CRYBG3: variants seen among roughly 807,000 people sequenced by gnomAD.
CRYBG3 encodes the protein very large A-kinase anchor protein.
A neutral mutation model predicts 244.2 loss-of-function variants in CRYBG3; 127 were observed. That is an observed-to-expected ratio of 0.52 (90% CI 0.45 to 0.60). The LOEUF is 0.60. Ranked by LOEUF, CRYBG3 falls within the 20% of genes least tolerant of loss-of-function variation. The pLI is 0.00. For synonymous variants in CRYBG3, 1,132 were observed against 1,195.8 expected, an observed-to-expected ratio of 0.95 and a Z score of 1.10; for missense variants, 3,325 against 3,442.5, an observed-to-expected ratio of 0.97 and a Z score of 0.85.
chr3:97,912,374 A>G (rs2039882350), intron 16 of CRYBG3, 98 bp downstream of exon 16: 3 of 533,332 alleles, frequency 5.6e-6, no homozygotes, highest in Non-Finnish European at 9.6e-6. Context: ...AATCCTTAAA[A>G]TTTATCTTCA....
rs763388038 is a variant in CRYBG3, at chr3:97,877,911, G to C, written c.6717G>C (p.Gln2239His). 5.0e-6 allele frequency: 8 copies of C among 1,614,048 alleles called. No homozygotes were observed. The highest frequency in any genetic ancestry group is 1.1e-5 in the South Asian group (1 of 91,080). Residue 2239 changes from glutamine (Q) to histidine (H), a missense_variant, in exon 4 of 22, where the codon CAG (glutamine) becomes CAC (histidine). Gln to His is a conservative substitution (Grantham distance 24). Transcript: ENST00000389622. Reference protein sequence around the residue: ...LHSSLKSAYHQYLQTSQSHSS... With the variant: ...LHSSLKSAYHHYLQTSQSHSS... ...CTTCTTTAAAGAGTGCTTATCATCA[G>C]TATCTGCAGACTTCCCAAAGTCATT...
chr3:97,872,401 A>G lies in CRYBG3; in HGVS notation c.1207A>G (p.Thr403Ala), dbSNP rs1310707293. 3 of 1,535,880 alleles carry G rather than the reference A, an allele frequency of 2.0e-6. No individual in the cohort carries two copies. Among genetic ancestry groups the G allele is most frequent in the Non-Finnish European group, 2.6e-6 (3 of 1,146,756 alleles). The change falls in exon 4 of 22, where the codon ACA becomes GCA. Residue 403 changes from threonine to alanine, a missense_variant. Coordinates refer to ENST00000389622, the MANE Select transcript of CRYBG3 (RefSeq NM_153605.4). ...CAGCCCAGATTTTCAGAGAGTAACTACAACAGAAAATACGATAAAAGAAAA... is the reference window on the plus strand; with the variant it reads ...CAGCCCAGATTTTCAGAGAGTAACTGCAACAGAAAATACGATAAAAGAAAA... ...PCSPDFQRVTTTENTIKENST... is the reference protein window; with the variant it reads ...PCSPDFQRVTATENTIKENST...
rs77447223 is a variant in CRYBG3 at position 97,843,639 on chromosome 3, A to G, written c.216+378A>G. 3.7e-3 allele frequency among the ~76,000 whole-genome samples: 565 copies of G among 152,318 alleles called. 3 individuals carry two copies. The highest frequency in any genetic ancestry group is 0.013 in the African/African-American group (542 of 41,578). Reference sequence around the variant, plus strand: ...GAGTTTTCTGAAATGTTGCAAAGCAATAGTGCTTTTGGAGGGCTGAAGTTA... The same window carrying G: ...GAGTTTTCTGAAATGTTGCAAAGCAGTAGTGCTTTTGGAGGGCTGAAGTTA... On this transcript the variant is annotated intron_variant, in intron 2 of 21. Coordinates refer to ENST00000389622, the MANE Select transcript of CRYBG3 (RefSeq NM_153605.4).
At chr3:97,870,728 ATTCCT>A (rs2039292582) in intron 3 of CRYBG3, among the ~76,000 whole-genome samples, 1 of 152,210 alleles carries the variant, frequency 6.6e-6, no homozygotes, top group Admixed American at 6.5e-5. Context: ...AGTAAGTATC[ATTCCT>A]TTACTTATTC....
At chr3:97,912,643 C>T (rs147905454) in intron 16 of CRYBG3, among the ~76,000 whole-genome samples, 261 of 152,106 alleles carry the variant, frequency 1.7e-3, no homozygotes, top group Non-Finnish European at 2.9e-3. Flanking sequence ...ATTTTTTTAA[C>T]CTTTTAACAA....
Position 97,898,901 on chromosome 3 carries a change from G to C in CRYBG3, c.7720G>C (p.Val2574Leu). ...CTTTTAGAATTTTATAGAATCTTCT[G>C]TCACACTATTTGAATCTGACCTAGA... ...YLQANFIESS[V>L]TLFESDLESG... Residue 2574 changes from valine to leucine, a missense_variant, in exon 13 of 22, where the codon GTC becomes CTC. This residue lies in a region of CRYBG3 where 714 missense variants were observed against 803.6 expected (regional missense o/e 0.89). Transcript: ENST00000389622. The C allele has an allele frequency of 6.3e-7, 1 of 1,594,206 alleles. No individual in the cohort carries two copies. The highest frequency in any genetic ancestry group is 8.5e-7 in the Non-Finnish European group (1 of 1,170,624).
intron 17 of CRYBG3, chr3:97,933,382 A>G: frequency 5.1e-6 from 2 of 389,870 alleles, no homozygotes; most frequent in South Asian, 2.1e-5. Flanking sequence ...AGGACTAATT[A>G]TGGTCCATAT....
intron 2 of CRYBG3, among the ~76,000 whole-genome samples, chr3:97,863,754 C>T (rs1352403292): frequency 6.6e-6 from 1 of 152,028 alleles, no homozygotes; most frequent in Non-Finnish European, 1.5e-5. Context: ...GGTCTCTTTA[C>T]GTCTCTCTCC....
At chr3:97,914,606 T>G in intron 16 of CRYBG3, among the ~76,000 whole-genome samples, 1 of 152,148 alleles carries the variant, frequency 6.6e-6, no homozygotes, top group East Asian at 1.9e-4. Flanking sequence ...GTCATCGCTC[T>G]GAACCTCAGC....
chr3:97,932,624 A>G (rs987236206), intron 17 of CRYBG3, among the ~76,000 whole-genome samples: 2 of 152,046 alleles, frequency 1.3e-5, no homozygotes, highest in African/African-American at 4.8e-5. Context: ...CAGCCCACTC[A>G]TAGTCCTTAG....
intron 2 of CRYBG3, among the ~76,000 whole-genome samples, chr3:97,859,363 G>C (rs2039113079): frequency 6.6e-6 from 1 of 152,154 alleles, no homozygotes; most frequent in Non-Finnish European, 1.5e-5. Flanking sequence ...TGTTGATCTT[G>C]TTTACTATAC....
rs2039381524 is a variant in CRYBG3, at chr3:97,876,906, T to G, written c.5712T>G (p.Val1904=). The part of the protein sequence containing the change: ...KTPQEYAEGS[V]EETKEEPTEI... Reference sequence around the variant, plus strand: ...CACAAGAGTATGCTGAAGGGAGTGTTGAAGAAACAAAGGAAGAGCCTACAG... The same window carrying G: ...CACAAGAGTATGCTGAAGGGAGTGTGGAAGAAACAAAGGAAGAGCCTACAG... The change falls in exon 4 of 22, where the codon GTT becomes GTG. Residue 1904 remains valine, a synonymous_variant. Transcript: ENST00000389622. 6.9e-7 allele frequency: 1 copy of G among 1,445,636 alleles called. No individual in the cohort carries two copies. Among genetic ancestry groups the G allele is most frequent in the East Asian group, 2.5e-5 (1 of 40,696 alleles). The allele number at this position is 1,445,636 out of a possible 1,614,324, so 89.6% of individuals were successfully genotyped here.
In CRYBG3 at chr3:97,915,619, C is replaced by G; in HGVS notation, c.8124C>G (p.Leu2708=). The G allele has an allele frequency of 1.2e-6, 2 of 1,610,280 alleles. No individual in the cohort carries two copies. Among genetic ancestry groups the G allele is most frequent in the African/African-American group, 2.7e-5 (2 of 74,906 alleles). ...SFKVLRGCWL[L]YYQEDMFVNH... is the part of the protein sequence containing the mutation. The stretch of plus-strand genomic sequence containing the variant: ...ACTGCTTGGCTTTTAGCTGGCTCCT[C>G]TATTACCAAGAAGACATGTTTGTTA... Residue 2708 remains leucine, a synonymous_variant, in exon 17 of 22, where the codon CTC becomes CTG. Coordinates refer to ENST00000389622, the MANE Select transcript of CRYBG3 (RefSeq NM_153605.4).
At chr3:97,840,998 G>A (rs1191922115) in intron 1 of CRYBG3, among the ~76,000 whole-genome samples, 1 of 151,738 alleles carries the variant, frequency 6.6e-6, no homozygotes, top group East Asian at 1.9e-4. Context: ...AAAAGATAAA[G>A]ACTAGTAAAA....
chr3:97,860,931 T>C (rs1243664656), intron 2 of CRYBG3, among the ~76,000 whole-genome samples: 1 of 152,126 alleles, frequency 6.6e-6, no homozygotes, highest in Non-Finnish European at 1.5e-5. Flanking sequence ...AACTTTTGTA[T>C]CACAAGGGAC....
chr3:97,874,037 A>G lies in CRYBG3; in HGVS notation c.2843A>G (p.His948Arg), dbSNP rs2039339060. ...SNISWILPPIHDEKISRQMAQ... is the reference protein window; with the variant it reads ...SNISWILPPIRDEKISRQMAQ... ...ATATCTTGGATTTTACCACCTATTC[A>G]TGATGAAAAAATCAGTAGGCAAATG... Residue 948 changes from histidine (H) to arginine (R), a missense_variant, in exon 4 of 22, where the codon CAT (histidine) becomes CGT (arginine). By Grantham distance (29) the His-to-Arg change is conservative (BLOSUM62 0). This residue lies in a region of CRYBG3 where 1,526 missense variants were observed against 1,443.2 expected (regional missense o/e 1.06). Transcript: ENST00000389622. 3.3e-6 allele frequency: 5 copies of G among 1,535,836 alleles called. No individual in the cohort carries two copies. The South Asian group carries it at 6.0e-5, about 18-fold the overall frequency.
At chr3:97,853,813 C>T (rs1576522429) in intron 2 of CRYBG3, among the ~76,000 whole-genome samples, 1 of 150,968 alleles carries the variant, frequency 6.6e-6, no homozygotes, top group East Asian at 2.0e-4. Context: ...TTTTGATTTG[C>T]ATTTCCCTGA....
At chr3:97,849,304 T>G (rs1336997879) in intron 2 of CRYBG3, among the ~76,000 whole-genome samples, 1 of 152,178 alleles carries the variant, frequency 6.6e-6, no homozygotes, top group African/African-American at 2.4e-5. Flanking sequence ...TGGTGATTTA[T>G]TCTGGGTGAA....
At chr3:97,867,781 G>A (rs2039252640) in intron 3 of CRYBG3, among the ~76,000 whole-genome samples, 1 of 152,118 alleles carries the variant, frequency 6.6e-6, no homozygotes, top group Admixed American at 6.5e-5. Context: ...AAATTCAAAT[G>A]ATATAGAATA....
Sources: allele counts gnomAD v4.1 joint callset (sites outside exome capture counted in the v4.1 genomes callset), GRCh38; gene constraint gnomAD v4.1.1; regional missense constraint gnomAD v4.1.1; transcripts MANE v1.5; gene names NCBI Gene and HGNC (gene_info 2026-07-23, HGNC 2026-07-21).